CCPG1: variants seen among roughly 807,000 people sequenced by gnomAD.
CCPG1 encodes the protein cell cycle progression protein 1.
A neutral mutation model predicts 81.3 loss-of-function variants in CCPG1; 46 were observed. The observed-to-expected ratio is 0.57, with a 90% CI of 0.45 to 0.72. CCPG1 has a LOEUF of 0.72. Among genes scored for constraint, CCPG1 ranks in the 30% least tolerant of loss-of-function variants. The pLI, the probability that CCPG1 is intolerant of heterozygous loss-of-function variation, is 0.00. For synonymous variants in CCPG1, 330 were observed against 305.2 expected, an observed-to-expected ratio of 1.08 and a Z score of -0.85; for missense variants, 902 against 937.6, an observed-to-expected ratio of 0.96 and a Z score of 0.50.
intron 3 of CCPG1, among the ~76,000 whole-genome samples, chr15:55,380,459 C>T (rs28435230): frequency 6.6e-6 from 1 of 151,376 alleles, no homozygotes; most frequent in Non-Finnish European, 1.5e-5. Context: ...CCACGCCCGG[C>T]TAATTTTTTG....
chr15:55,362,536 G>A (rs1176101974), intron 7 of CCPG1, among the ~76,000 whole-genome samples: 1 of 152,208 alleles, frequency 6.6e-6, no homozygotes, highest in Admixed American at 6.5e-5. Context: ...GCAGTGGACT[G>A]TGGAGTAGAA....
At chr15:55,389,068 CAAAAAAA>C (rs373917631) in intron 2 of CCPG1, among the ~76,000 whole-genome samples, 9 of 56,300 alleles carry the variant, frequency 1.6e-4, no homozygotes, top group African/African-American at 4.2e-4. Flanking sequence ...GACTCTGTCT[CAAAAAAA>C]AAAAAAAAAA....
At chr15:55,364,864 C>T (rs2056289554) in intron 7 of CCPG1, among the ~76,000 whole-genome samples, 1 of 152,198 alleles carries the variant, frequency 6.6e-6, no homozygotes, top group Non-Finnish European at 1.5e-5. Context: ...CAGAGCGAGA[C>T]TCCATCTCAA....
intron 1 of CCPG1, among the ~76,000 whole-genome samples, chr15:55,406,507 G>A (rs1321999682): frequency 4.2e-5 from 6 of 143,710 alleles, no homozygotes; most frequent in East Asian, 4.1e-4. Context: ...GTTGGAGTGC[G>A]GTGGCCAGAT....
At position 55,360,367 on chromosome 15, in the gene CCPG1, T is replaced by G; in HGVS notation, c.1406A>C (p.Lys469Thr). 2 of 1,613,968 alleles carry G rather than the reference T, an allele frequency of 1.2e-6. No homozygotes were observed. The highest frequency in any genetic ancestry group is 1.7e-6 in the Non-Finnish European group (2 of 1,180,022). ...NGKQGTDGKK[K>T]GGRGSHRAKN... ...AGCCCTGTGGCTTCCTCTGCCCCCT[T>G]TCTTTTTTCCATCTGTTCCTTGTTT... Residue 469 changes from lysine to threonine, a missense_variant, in exon 8 of 9, where the codon AAA (lysine) becomes ACA (threonine). Around this residue, in one of 3 missense-constraint regions of CCPG1, gnomAD observed 746 missense variants for 728.6 expected, o/e 1.02. Transcript: ENST00000442196.
rs1211857831 is a variant in CCPG1, at chr15:55,360,839, C to A, written c.934G>T (p.Val312Leu). ...NLATENQYLR[V>L]SLEKEEKALS... ...GCTTTTTCTTCCTTCTCCAAGGATA[C>A]TCTTAAATACTGATTTTCTGTAGCA... is the stretch of plus-strand genomic sequence containing the variant. Residue 312 changes from valine to leucine, a missense_variant, in exon 8 of 9, where the codon GTA (valine) becomes TTA (leucine). Transcript: ENST00000442196. 1.2e-6 allele frequency: 2 copies of A among 1,608,852 alleles called. No individual in the cohort carries two copies. Among genetic ancestry groups the A allele is most frequent in the Non-Finnish European group, 1.7e-6 (2 of 1,178,710 alleles).
intron 5 of CCPG1, chr15:55,372,292 T>C: frequency 1.9e-6 from 1 of 523,942 alleles, no homozygotes; most frequent in Non-Finnish European, 3.4e-6. Flanking sequence ...TGAGAGCCTA[T>C]CTCTGTTTTT....
intron 5 of CCPG1, chr15:55,374,123 C>T (rs1329312917): frequency 8.4e-7 from 1 of 1,196,722 alleles, no homozygotes; most frequent in African/African-American, 1.6e-5. Flanking sequence ...ACACTCAGCT[C>T]TAGAGAAGCT....
chr15:55,382,510 TC>T (rs1329955432), intron 3 of CCPG1, among the ~76,000 whole-genome samples: 1 of 149,682 alleles, frequency 6.7e-6, no homozygotes, highest in Non-Finnish European at 1.5e-5. Flanking sequence ...AGGATCCACT[TC>T]TTTTTTTTTT....
intron 8 of CCPG1, chr15:55,357,317 T>G: frequency 2.0e-6 from 2 of 985,002 alleles, no homozygotes; most frequent in Non-Finnish European, 2.4e-6. Context: ...ATGTTACTAT[T>G]TTCCAAATGT....
chr15:55,401,427 G>A (rs2057126229), intron 1 of CCPG1, among the ~76,000 whole-genome samples: 1 of 152,162 alleles, frequency 6.6e-6, no homozygotes, highest in Admixed American at 6.6e-5. Flanking sequence ...AGCATTTTGG[G>A]AGGCCGAGGC....
chr15:55,364,579 C>CAA, intron 7 of CCPG1, among the ~76,000 whole-genome samples: 1 of 150,580 alleles, frequency 6.6e-6, no homozygotes, highest in East Asian at 2.0e-4. Context: ...CAAAACAAAA[C>CAA]AAAAAAAGGC....
At chr15:55,393,987 T>C (rs1173553085) in intron 1 of CCPG1, among the ~76,000 whole-genome samples, 1 of 152,292 alleles carries the variant, frequency 6.6e-6, no homozygotes, top group East Asian at 1.9e-4. Context: ...TCTGACTTCA[T>C]CCCTTCCTTG....
chr15:55,369,111 CA>C (rs113577498), intron 6 of CCPG1, among the ~76,000 whole-genome samples: 123 of 146,426 alleles, frequency 8.4e-4, no homozygotes, highest in Non-Finnish European at 1.5e-3. Context: ...GACTCTGTCT[CA>C]AAAAAAAATA....
At chr15:55,384,818 C>T (rs532265269) in intron 3 of CCPG1, among the ~76,000 whole-genome samples, 4 of 152,062 alleles carry the variant, frequency 2.6e-5, no homozygotes, top group East Asian at 1.9e-4. Context: ...GTAGTATCTG[C>T]GAAGTACAAT....
At chr15:55,384,944 A>G (rs1010020813) in intron 3 of CCPG1, among the ~76,000 whole-genome samples, 3 of 152,254 alleles carry the variant, frequency 2.0e-5, no homozygotes, top group African/African-American at 7.2e-5. Flanking sequence ...CTTAACTTTA[A>G]TAATGACAAG....
Position 55,355,457 on chromosome 15 carries a change from CTGGG to C in CCPG1, c.*759_*762del, listed in dbSNP as rs772274694. 1.9e-6 allele frequency: 3 copies of C among 1,581,384 alleles called. No homozygotes were observed. In the African/African-American group the frequency reaches 4.1e-5, roughly 21 times the overall value. On this transcript the variant is annotated 3_prime_UTR_variant, in exon 9 of 9. Transcript: ENST00000442196. ...AACTTTCCTAGATAAATTAACATTGCTGGGTGGAAATATTCAGATGCTGCTTAAA... is the reference window on the plus strand; with the variant it reads ...AACTTTCCTAGATAAATTAACATTGCTGGAAATATTCAGATGCTGCTTAAA...
chr15:55,370,000 A>G (rs2056414027), intron 6 of CCPG1, among the ~76,000 whole-genome samples: 1 of 143,502 alleles, frequency 7.0e-6, no homozygotes, highest in Admixed American at 6.7e-5. Context: ...GATAGTCTAT[A>G]AAGGTAAATA....
At chr15:55,384,604 A>G (rs1375094273) in intron 3 of CCPG1, among the ~76,000 whole-genome samples, 1 of 152,214 alleles carries the variant, frequency 6.6e-6, no homozygotes, top group Non-Finnish European at 1.5e-5. Context: ...GCAGTGAGCC[A>G]AGATCATACC....
Sources: gnomAD v4.1 joint callset for allele counts (sites outside exome capture counted in the v4.1 genomes callset) on GRCh38, gnomAD v4.1.1 for gene constraint, gnomAD v4.1.1 regional missense constraint, MANE v1.5 for transcripts, NCBI Gene and HGNC (gene_info 2026-07-23, HGNC 2026-07-21) for gene names.